ADAMTSL1: variants seen among roughly 807,000 people sequenced by gnomAD.
The protein encoded by ADAMTSL1 is ADAMTS-like protein 1.
ADAMTSL1 carries 126 observed loss-of-function variants against 201.8 expected under a neutral mutation model. The ratio of observed to expected loss-of-function variants is 0.62; its 90% CI spans 0.54 to 0.72. The LOEUF is 0.72. Among genes scored for constraint, ADAMTSL1 ranks in the 30% least tolerant of loss-of-function variants. The pLI is 0.00. For missense variants in ADAMTSL1, 2,679 were observed against 2,277.8 expected (o/e 1.18, Z -3.59); for synonymous variants, 1,121 against 903.4 (o/e 1.24, Z -4.32).
intron 23 of ADAMTSL1, among the ~76,000 whole-genome samples, chr9:18,846,665 G>A (rs944884326): frequency 1.3e-5 from 2 of 152,252 alleles, no homozygotes; most frequent in Admixed American, 6.5e-5. Context: ...GGTTTTTTAG[G>A]GGAAGAGGCT....
At chr9:18,253,218 T>C (rs1293507800) in intron 2 of ADAMTSL1, among the ~76,000 whole-genome samples, 1 of 152,180 alleles carries the variant, frequency 6.6e-6, no homozygotes, top group Admixed American at 6.5e-5. Context: ...TGAGTGTATA[T>C]GTCTGTATGG....
chr9:18,707,074 TC>T, intron 14 of ADAMTSL1, 26 bp downstream of exon 14: 5 of 1,596,964 alleles, frequency 3.1e-6, no homozygotes, highest in Non-Finnish European at 4.3e-6. Context: ...CTGGCTCAGA[TC>T]CCCGCCATCT....
chr9:18,013,039 T>G (rs1820119409), intron 1 of ADAMTSL1, among the ~76,000 whole-genome samples: 1 of 151,922 alleles, frequency 6.6e-6, no homozygotes, highest in Non-Finnish European at 1.5e-5. Flanking sequence ...TTTCCTTTTC[T>G]TATCTCCATT....
intron 1 of ADAMTSL1, among the ~76,000 whole-genome samples, chr9:18,105,541 T>C (rs976591373): frequency 1.3e-5 from 2 of 152,192 alleles, no homozygotes; most frequent in African/African-American, 4.8e-5. Context: ...TGGAGTGTTT[T>C]GGCCTAGAGG....
intron 1 of ADAMTSL1, among the ~76,000 whole-genome samples, chr9:18,045,353 G>C (rs1342560951): frequency 1.3e-5 from 2 of 152,072 alleles, no homozygotes. Flanking sequence ...GTTGGAGTTG[G>C]CATGAGTGAG....
chr9:18,193,961 A>G (rs934367364), intron 2 of ADAMTSL1, among the ~76,000 whole-genome samples: 59 of 152,174 alleles, frequency 3.9e-4, no homozygotes, highest in African/African-American at 1.4e-3. Flanking sequence ...ATTTAGTGCT[A>G]TTTAGTAGCT....
At chr9:18,497,478 A>G (rs2131886570) in intron 1 of ADAMTSL1, among the ~76,000 whole-genome samples, 1 of 152,332 alleles carries the variant, frequency 6.6e-6, no homozygotes, top group Middle Eastern at 3.4e-3. Flanking sequence ...GGCTATTTCT[A>G]GTAGAAAATC....
At chr9:18,163,443 A>G (rs1207628901) in intron 1 of ADAMTSL1, among the ~76,000 whole-genome samples, 2 of 151,988 alleles carry the variant, frequency 1.3e-5, no homozygotes, top group South Asian at 2.1e-4. Context: ...TATGTGGTAA[A>G]TATTTAACTG....
intron 1 of ADAMTSL1, among the ~76,000 whole-genome samples, chr9:18,477,776 T>C (rs559220241): frequency 6.6e-6 from 1 of 152,320 alleles, no homozygotes; most frequent in South Asian, 2.1e-4. Context: ...GCCAGCTACA[T>C]TTTTGTTTAC....
intron 23 of ADAMTSL1, among the ~76,000 whole-genome samples, chr9:18,843,429 T>C (rs1825863461): frequency 6.6e-6 from 1 of 151,006 alleles, no homozygotes; most frequent in African/African-American, 2.5e-5. Flanking sequence ...GGCTTCCCTT[T>C]GTGGGTAACC....
chr9:18,011,769 A>G (rs1246565243), intron 1 of ADAMTSL1, among the ~76,000 whole-genome samples: 2 of 152,034 alleles, frequency 1.3e-5, no homozygotes, highest in Non-Finnish European at 2.9e-5. Context: ...TGGCTTGCCC[A>G]AGCTCACACA....
chr9:18,886,166 G>GTATGTGTATATATATA (rs55916376), intron 23 of ADAMTSL1, among the ~76,000 whole-genome samples: 1 of 37,134 alleles, frequency 2.7e-5, no homozygotes. Flanking sequence ...GTGTGTATGT[G>GTATGTGTATATATATA]TATATATATA....
At chr9:18,540,160 A>C (rs1820036522) in intron 3 of ADAMTSL1, among the ~76,000 whole-genome samples, 1 of 152,212 alleles carries the variant, frequency 6.6e-6, no homozygotes, top group South Asian at 2.1e-4. Flanking sequence ...AACAATATCC[A>C]CTGGGATTTA....
chr9:17,928,005 T>G (rs1370453211), intron 1 of ADAMTSL1, among the ~76,000 whole-genome samples: 2 of 151,692 alleles, frequency 1.3e-5, no homozygotes. Flanking sequence ...CTTTTTTTTT[T>G]TTTTTTTGAG....
At chr9:18,048,644 A>C in intron 1 of ADAMTSL1, among the ~76,000 whole-genome samples, 1 of 152,222 alleles carries the variant, frequency 6.6e-6, no homozygotes, top group East Asian at 1.9e-4. Context: ...ATTCTAAAAT[A>C]AAGTTTACTT....
At chr9:18,292,227 A>C (rs556748805) in intron 2 of ADAMTSL1, among the ~76,000 whole-genome samples, 2 of 152,214 alleles carry the variant, frequency 1.3e-5, no homozygotes, top group African/African-American at 4.8e-5. Context: ...AGAACCGTTA[A>C]TTTAGAAGTT....
intron 3 of ADAMTSL1, among the ~76,000 whole-genome samples, chr9:18,560,780 A>C (rs148321355): frequency 3.2e-3 from 492 of 151,812 alleles, no homozygotes; most frequent in Admixed American, 4.6e-3. Flanking sequence ...TAGATTTTCT[A>C]GTTTATTTGC....
chr9:18,789,417 G>T (rs1185108497), intron 19 of ADAMTSL1, among the ~76,000 whole-genome samples: 1 of 152,162 alleles, frequency 6.6e-6, no homozygotes, highest in East Asian at 1.9e-4. Flanking sequence ...GCAAAGCGGG[G>T]ATTTGATCCC....
In ADAMTSL1 at chr9:18,419,664, C is replaced by G. The variant is rs76197091; in HGVS notation, c.208-85165C>G. 2.6e-5 allele frequency among the ~76,000 whole-genome samples: 4 copies of G among 151,294 alleles called. 1 individual carries two copies. In the South Asian group the frequency reaches 8.3e-4, roughly 32 times the overall value. ...TACATGTGATACCTTGAATAAATCT[C>G]GAAAGTATGCTGAGTGAAAGAAGTC... On this transcript the variant is annotated intron_variant, in intron 2 of 29. Coordinates refer to the ADAMTSL1 transcript ENST00000680146.
Sources: gnomAD v4.1 joint callset for allele counts (sites outside exome capture counted in the v4.1 genomes callset) on GRCh38, gnomAD v4.1.1 for gene constraint, MANE v1.5 for transcripts, NCBI Gene and HGNC (gene_info 2026-07-23, HGNC 2026-07-21) for gene names.